The following TOP2B variants were observed in gnomAD, a reference collection of about 807,000 sequenced individuals.
TOP2B encodes the protein DNA topoisomerase II beta, also known as DNA topoisomerase 2-beta.
TOP2B carries 51 observed loss-of-function variants against 193.5 expected under a neutral mutation model. That is an observed-to-expected ratio of 0.26 (90% confidence interval 0.21 to 0.33). The LOEUF is 0.33. Among genes scored for constraint, TOP2B ranks in the 10% least tolerant of loss-of-function variants. The probability of loss-of-function intolerance (pLI) is 1.00; values close to 1 mark genes in which losing one functional copy is unlikely to be tolerated. For synonymous variants in TOP2B, 634 were observed against 635.7 expected (o/e 1.00, Z 0.04); for missense variants, 1,378 against 1,909.3 (o/e 0.72, Z 5.19).
chr3:25,640,080 T>G (rs900869683), intron 4 of TOP2B, among the ~76,000 whole-genome samples: 8 of 152,200 alleles, frequency 5.3e-5, no homozygotes, highest in Non-Finnish European at 1.0e-4. Context: ...AAATTTAGCT[T>G]TAAAATGACT....
intron 30 of TOP2B, among the ~76,000 whole-genome samples, chr3:25,607,771 T>C (rs889067132): frequency 6.6e-6 from 1 of 152,228 alleles, no homozygotes; most frequent in African/African-American, 2.4e-5. Flanking sequence ...ACAGTTATTT[T>C]AAAAGTGCTA....
intron 6 of TOP2B, 81 bp downstream of exon 6, chr3:25,637,134 C>T: frequency 9.3e-7 from 1 of 1,079,234 alleles, no homozygotes. Context: ...GGCATCACTG[C>T]AATTTACCCA....
At chr3:25,644,145 G>A (rs910670279) in intron 2 of TOP2B, among the ~76,000 whole-genome samples, 1 of 148,630 alleles carries the variant, frequency 6.7e-6, no homozygotes, top group Non-Finnish European at 1.5e-5. Flanking sequence ...AAAATAATAC[G>A]AACAAAGCAA....
intron 3 of TOP2B, 142 bp downstream of exon 3, chr3:25,643,552 T>C: frequency 1.6e-6 from 1 of 607,296 alleles, no homozygotes. Flanking sequence ...GTATAAATTT[T>C]CTGAAGATCA....
intron 21 of TOP2B, among the ~76,000 whole-genome samples, chr3:25,622,070 G>A (rs1030607673): frequency 1.3e-5 from 2 of 151,822 alleles, no homozygotes; most frequent in Admixed American, 6.6e-5. Context: ...TATCAATATC[G>A]TTTGTCACTG....
chr3:25,639,800 T>C (rs1040704017), intron 4 of TOP2B, among the ~76,000 whole-genome samples: 2 of 152,232 alleles, frequency 1.3e-5, no homozygotes, highest in African/African-American at 2.4e-5. Flanking sequence ...CCATGACCTT[T>C]TCCTTAAATT....
At position 25,649,899 on chromosome 3, in the gene TOP2B, C is replaced by A. The variant is rs200289375; in HGVS notation, c.70-4429G>T. Reference sequence around the variant, plus strand: ...AAAATAAAAAATATAAATTTTATTTCTCAACAAAAGCTCCATAAAGGTCAA... The same window carrying A: ...AAAATAAAAAATATAAATTTTATTTATCAACAAAAGCTCCATAAAGGTCAA... On this transcript the variant is annotated intron_variant, in intron 1 of 35. Transcript: ENST00000264331. Among the ~76,000 whole-genome samples the A allele has an allele frequency of 1.3e-4, 20 of 152,238 alleles. No homozygotes were observed. The East Asian group carries it at 3.9e-3, about 29-fold the overall frequency.
At chr3:25,663,371 AGGTTTTC>A (rs1703975594) in intron 1 of TOP2B, among the ~76,000 whole-genome samples, 1 of 152,240 alleles carries the variant, frequency 6.6e-6, no homozygotes, top group African/African-American at 2.4e-5. Flanking sequence ...CGAAATACCT[AGGTTTTC>A]TGTATAGGAA....
At chr3:25,607,444 G>C in intron 30 of TOP2B, 69 bp from the exon 31 acceptor site, 1 of 1,464,032 alleles carries the variant, frequency 6.8e-7, no homozygotes, top group Non-Finnish European at 9.2e-7. Context: ...TATTATTACT[G>C]ATAAAGCATT....
At chr3:25,623,784 T>C (rs1702725651) in intron 20 of TOP2B, 38 bp from the exon 21 acceptor site, 2 of 1,397,112 alleles carry the variant, frequency 1.4e-6, no homozygotes, top group Non-Finnish European at 9.9e-7. Flanking sequence ...AAAAATGTCA[T>C]GGCTTTGGGA....
intron 7 of TOP2B, among the ~76,000 whole-genome samples, chr3:25,634,458 G>A (rs186480176): frequency 1.3e-5 from 2 of 152,168 alleles, no homozygotes; most frequent in African/African-American, 4.8e-5. Context: ...AGACATAAGT[G>A]TCTGTAGGAG....
intron 23 of TOP2B, 31 bp downstream of exon 23, chr3:25,619,831 G>A (rs1702611327): frequency 6.7e-7 from 1 of 1,486,456 alleles, no homozygotes; most frequent in African/African-American, 1.4e-5. Context: ...ATGCAAGAAA[G>A]ATTAAATTAA....
At chr3:25,647,571 T>C (rs1450049470) in intron 1 of TOP2B, among the ~76,000 whole-genome samples, 2 of 151,696 alleles carry the variant, frequency 1.3e-5, no homozygotes, top group East Asian at 3.9e-4. Context: ...CTCATGTCTA[T>C]CTAATTTGTA....
chr3:25,641,365 T>C (rs74797751), intron 4 of TOP2B, among the ~76,000 whole-genome samples: 3,228 of 152,292 alleles, frequency 0.021, 123 homozygotes, highest in African/African-American at 0.072. Context: ...AAGGGAGATA[T>C]GGTTTTTAAC....
intron 1 of TOP2B, among the ~76,000 whole-genome samples, chr3:25,663,890 G>A (rs1703995371): frequency 6.6e-6 from 1 of 151,986 alleles, no homozygotes; most frequent in African/African-American, 2.4e-5. Context: ...TTGCATTATC[G>A]CCATCCCCAC....
chr3:25,607,695 C>G (rs914367985), intron 30 of TOP2B, among the ~76,000 whole-genome samples: 12 of 152,234 alleles, frequency 7.9e-5, no homozygotes, highest in African/African-American at 2.4e-4. Flanking sequence ...TTGTCTCATA[C>G]AGCCATTATA....
At chr3:25,658,441 C>T (rs1465850043) in intron 1 of TOP2B, among the ~76,000 whole-genome samples, 2 of 151,902 alleles carry the variant, frequency 1.3e-5, no homozygotes, top group Non-Finnish European at 2.9e-5. Flanking sequence ...GCTACATTTT[C>T]ATTATCATGA....
intron 10 of TOP2B, among the ~76,000 whole-genome samples, chr3:25,631,496 G>C (rs1271745312): frequency 6.6e-6 from 1 of 151,972 alleles, no homozygotes; most frequent in South Asian, 2.1e-4. Context: ...TGTTAACCCA[G>C]ACAGAAAAAG....
Position 25,632,887 on chromosome 3 carries a change from G to A in TOP2B, c.1027-93C>T, listed in dbSNP as rs908195536. On this transcript the variant is annotated intron_variant, in intron 8 of 35. Transcript: ENST00000264331. The stretch of plus-strand genomic sequence containing the variant: ...ATTATAAACCCTATTTTCTAAAAGA[G>A]TAATAGAGTCTCAGAACGAGAGTTG... 4.1e-5 allele frequency: 43 copies of A among 1,057,492 alleles called. 1 individual carries two copies. The highest frequency in any genetic ancestry group is 2.4e-5 in the Admixed American group (1 of 42,440). The allele number at this position is 1,057,492 out of a possible 1,614,324, so 65.5% of individuals were successfully genotyped here. A position where few individuals can be genotyped will look rare whatever the true frequency, so the allele number is the denominator to read the frequency against.
Sources: allele counts gnomAD v4.1 joint callset (sites outside exome capture counted in the v4.1 genomes callset), GRCh38; gene constraint gnomAD v4.1.1; transcripts MANE v1.5; gene names NCBI Gene and HGNC (gene_info 2026-07-23, HGNC 2026-07-21).